Variants in MPRIP observed in about 807,000 individuals in gnomAD.
The protein encoded by MPRIP is myosin phosphatase Rho-interacting protein.
A neutral mutation model predicts 234.9 loss-of-function variants in MPRIP; 59 were observed. The ratio of observed to expected loss-of-function variants is 0.25; its 90% CI spans 0.20 to 0.31. The LOEUF (loss-of-function observed/expected upper bound fraction) is 0.31, where lower values mean the gene tolerates loss of function less well. Ranked by LOEUF, MPRIP falls within the 10% of genes least tolerant of loss-of-function variation. The pLI is 1.00. For missense variants in MPRIP, 2,436 were observed against 3,071.0 expected (o/e 0.79, Z 4.89); for synonymous variants, 1,144 against 1,263.9 (o/e 0.91, Z 2.01).
intron 3 of MPRIP, among the ~76,000 whole-genome samples, chr17:17,088,863 G>C (rs566211414): frequency 6.6e-6 from 1 of 152,344 alleles, no homozygotes; most frequent in Non-Finnish European, 1.5e-5. Context: ...TTCTTTGGCC[G>C]GGAAGGAAAT....
chr17:17,066,306 C>G (rs2089023108), intron 1 of MPRIP, among the ~76,000 whole-genome samples: 1 of 152,078 alleles, frequency 6.6e-6, no homozygotes, highest in South Asian at 2.1e-4. Flanking sequence ...AGCAAGTTCC[C>G]CTCTATTCCT....
intron 3 of MPRIP, among the ~76,000 whole-genome samples, chr17:17,084,359 C>G (rs910921306): frequency 1.6e-4 from 24 of 152,218 alleles, no homozygotes; most frequent in African/African-American, 5.5e-4. Context: ...ACAGGTGGCA[C>G]TTGGCTGCCT....
intron 3 of MPRIP, among the ~76,000 whole-genome samples, chr17:17,088,956 G>C (rs1732460378): frequency 6.6e-6 from 1 of 152,332 alleles, no homozygotes; most frequent in African/African-American, 2.4e-5. Context: ...AGCAGCACAG[G>C]GACCTTAGGA....
chr17:17,144,052 G>A (rs949722714), intron 9 of MPRIP, among the ~76,000 whole-genome samples: 2 of 152,204 alleles, frequency 1.3e-5, no homozygotes, highest in Non-Finnish European at 1.5e-5. Context: ...AGCTTGTCTC[G>A]TTCTCCGTGT....
At chr17:17,128,811 CCTT>C (rs1460576212) in intron 4 of MPRIP, among the ~76,000 whole-genome samples, 2 of 152,156 alleles carry the variant, frequency 1.3e-5, no homozygotes, top group South Asian at 2.1e-4. Context: ...GCTTTTGCCT[CCTT>C]CTCCCATTCC....
chr17:17,055,769 C>A (rs1020714390), intron 1 of MPRIP, among the ~76,000 whole-genome samples: 6 of 152,176 alleles, frequency 3.9e-5, no homozygotes, highest in African/African-American at 1.2e-4. Context: ...TAGCACCTGG[C>A]CTTCTATGGT....
intron 5 of MPRIP, among the ~76,000 whole-genome samples, chr17:17,132,487 C>T (rs2090616818): frequency 1.3e-5 from 2 of 152,210 alleles, no homozygotes; most frequent in South Asian, 2.1e-4. Context: ...AGTCCTGAGC[C>T]TCATAGTCAC....
intron 22 of MPRIP, among the ~76,000 whole-genome samples, 185 bp downstream of exon 22, chr17:17,177,597 C>G (rs368854222): frequency 6.6e-6 from 1 of 152,194 alleles, no homozygotes; most frequent in Non-Finnish European, 1.5e-5. Flanking sequence ...CTCTCCCCAT[C>G]GCAGCAGTGG....
chr17:17,064,054 T>C (rs2088945367), intron 1 of MPRIP, among the ~76,000 whole-genome samples: 1 of 152,040 alleles, frequency 6.6e-6, no homozygotes, highest in South Asian at 2.1e-4. Context: ...AGGGAAGTAG[T>C]TGGAGAGGCC....
chr17:17,126,979 C>CT, intron 4 of MPRIP, 126 bp downstream of exon 4: 1 of 1,199,552 alleles, frequency 8.3e-7, no homozygotes, highest in South Asian at 1.4e-5. Flanking sequence ...TTCTTGGGCT[C>CT]TGTCTCTGTT....
At chr17:17,050,110 G>A (rs990850668) in intron 1 of MPRIP, among the ~76,000 whole-genome samples, 1 of 152,100 alleles carries the variant, frequency 6.6e-6, no homozygotes, top group Non-Finnish European at 1.5e-5. Context: ...GGTGGATCAC[G>A]AGGTCAGGAG....
chr17:17,129,927 C>T (rs1193632021), intron 4 of MPRIP, among the ~76,000 whole-genome samples: 2 of 152,210 alleles, frequency 1.3e-5, no homozygotes, highest in Non-Finnish European at 1.5e-5. Context: ...TGTGAACATC[C>T]CAGGTTGTAT....
At chr17:17,066,231 A>G (rs1189940544) in intron 1 of MPRIP, among the ~76,000 whole-genome samples, 3 of 152,236 alleles carry the variant, frequency 2.0e-5, no homozygotes, top group Non-Finnish European at 4.4e-5. Context: ...AGGGAAAGCA[A>G]TCAGCATTTC....
At chr17:17,047,293 C>T (rs530150084) in intron 1 of MPRIP, among the ~76,000 whole-genome samples, 8 of 152,298 alleles carry the variant, frequency 5.3e-5, no homozygotes, top group Admixed American at 6.5e-5. Context: ...GATATTAATC[C>T]GATGCTTGCC....
At chr17:17,108,112 A>G (rs1245342487) in intron 3 of MPRIP, among the ~76,000 whole-genome samples, 1 of 152,134 alleles carries the variant, frequency 6.6e-6, no homozygotes, top group East Asian at 1.9e-4. Flanking sequence ...CTTGTCCCTC[A>G]GGCTGCCTGA....
chr17:17,156,370 A>G (rs1408631224), intron 13 of MPRIP, among the ~76,000 whole-genome samples: 2 of 145,476 alleles, frequency 1.4e-5, no homozygotes, highest in Non-Finnish European at 1.5e-5. Context: ...TTCATAACCT[A>G]GCATATCTGC....
At chr17:17,051,681 A>G (rs2088545151) in intron 1 of MPRIP, among the ~76,000 whole-genome samples, 1 of 152,226 alleles carries the variant, frequency 6.6e-6, no homozygotes, top group Non-Finnish European at 1.5e-5. Flanking sequence ...CCCATGCCCT[A>G]CCCAGAGCTC....
At chr17:17,109,015 G>A (rs919759816) in intron 3 of MPRIP, among the ~76,000 whole-genome samples, 53 of 152,200 alleles carry the variant, frequency 3.5e-4, no homozygotes, top group African/African-American at 1.3e-3. Context: ...ATTTCTGAAA[G>A]CGCTCAAACA....
chr17:17,172,578 T>C, intron 17 of MPRIP, 120 bp from the exon 18 acceptor site: 1 of 711,550 alleles, frequency 1.4e-6, no homozygotes, highest in East Asian at 2.7e-5. Context: ...CAACTGCTGA[T>C]TGACTAAGCA....
Sources: allele counts gnomAD v4.1 joint callset (sites outside exome capture counted in the v4.1 genomes callset), GRCh38; gene constraint gnomAD v4.1.1; transcripts MANE v1.5; gene names NCBI Gene and HGNC (gene_info 2026-07-23, HGNC 2026-07-21).